The following SRD5A2 variants were observed in gnomAD, a reference collection of about 807,000 sequenced individuals.
SRD5A2 encodes 3-oxo-5-alpha-steroid 4-dehydrogenase 2.
SRD5A2 carries 30 observed loss-of-function variants against 27.4 expected under a neutral mutation model. The observed-to-expected ratio is 1.10, with a 90% CI of 0.82 to 1.49. SRD5A2 has a LOEUF of 1.49. Ranked by LOEUF, SRD5A2 falls within the 40% of genes most tolerant of loss-of-function variation. The pLI is 0.00. For missense variants in SRD5A2, 348 were observed against 323.4 expected (o/e 1.08, Z -0.58); for synonymous variants, 141 against 133.6 (o/e 1.06, Z -0.38).
chr2:31,533,860 A>G (rs1665969711), intron 1 of SRD5A2, 94 bp from the exon 2 acceptor site: 1 of 1,386,140 alleles, frequency 7.2e-7, no homozygotes, highest in Non-Finnish European at 9.6e-7. Flanking sequence ...CAGAAGGTAC[A>G]AAAACCAGGC....
chr2:31,657,354 G>A, the SRD5A2 span, among the ~76,000 whole-genome samples: 1 of 152,096 alleles, frequency 6.6e-6, no homozygotes, highest in Admixed American at 6.6e-5. Flanking sequence ...ATACATTATG[G>A]TACTGATATT....
the SRD5A2 span, among the ~76,000 whole-genome samples, chr2:31,627,296 G>C: frequency 6.6e-6 from 1 of 151,842 alleles, no homozygotes; most frequent in Non-Finnish European, 1.5e-5. Flanking sequence ...TATTTCTGTG[G>C]GTTCAGTGGC....
At chr2:31,624,825 C>T in the SRD5A2 span, among the ~76,000 whole-genome samples, 5 of 152,250 alleles carry the variant, frequency 3.3e-5, no homozygotes, top group East Asian at 9.6e-4. Context: ...TATGCATGTG[C>T]ATGTGTGTCT....
At chr2:31,555,555 C>T (rs575755443) in intron 1 of SRD5A2, among the ~76,000 whole-genome samples, 22 of 152,228 alleles carry the variant, frequency 1.4e-4, no homozygotes, top group African/African-American at 2.4e-4. Context: ...TACCTAAGGA[C>T]GGCCTTTCTG....
chr2:31,634,979 T>A, the SRD5A2 span, among the ~76,000 whole-genome samples: 1 of 152,286 alleles, frequency 6.6e-6, no homozygotes, highest in African/African-American at 2.4e-5. Context: ...TTGTGAATAG[T>A]GCTTCAATAA....
At chr2:31,661,633 T>C in the SRD5A2 span, among the ~76,000 whole-genome samples, 1 of 152,214 alleles carries the variant, frequency 6.6e-6, no homozygotes, top group African/African-American at 2.4e-5. Context: ...TTTCAGCAGT[T>C]GACTCTTACG....
upstream of SRD5A2, among the ~76,000 whole-genome samples, chr2:31,583,894 A>C (rs1667131100): frequency 6.6e-6 from 1 of 152,078 alleles, no homozygotes; most frequent in Admixed American, 6.6e-5. Flanking sequence ...CAGTGTTAGG[A>C]GGCAGCTGGA....
chr2:31,660,376 AC>A, the SRD5A2 span, among the ~76,000 whole-genome samples: 1 of 152,132 alleles, frequency 6.6e-6, no homozygotes, highest in South Asian at 2.1e-4. Context: ...CGATGCATTT[AC>A]CTTTTGACTC....
chr2:31,599,433 C>T, the SRD5A2 span, among the ~76,000 whole-genome samples: 1 of 151,824 alleles, frequency 6.6e-6, no homozygotes, highest in East Asian at 1.9e-4. Context: ...TTAAAACCTT[C>T]AAAAAATGAA....
chr2:31,635,370 T>C, the SRD5A2 span, among the ~76,000 whole-genome samples: 212 of 152,306 alleles, frequency 1.4e-3, 4 homozygotes, highest in East Asian at 0.037. Flanking sequence ...TCTATTCAGA[T>C]CTTTTTCCCT....
At chr2:31,554,971 G>C (rs781063043) in intron 1 of SRD5A2, among the ~76,000 whole-genome samples, 1 of 134,702 alleles carries the variant, frequency 7.4e-6, no homozygotes, top group Non-Finnish European at 1.7e-5. Context: ...GTGTGTGTAT[G>C]TGTGTGTGTG....
chr2:31,653,911 G>A, the SRD5A2 span, among the ~76,000 whole-genome samples: 17 of 152,006 alleles, frequency 1.1e-4, no homozygotes, highest in Admixed American at 2.6e-4. Flanking sequence ...TGCCCGCCTC[G>A]GCCTCCCAGA....
At chr2:31,617,566 T>G in the SRD5A2 span, among the ~76,000 whole-genome samples, 1 of 150,356 alleles carries the variant, frequency 6.7e-6, no homozygotes, top group South Asian at 2.1e-4. Flanking sequence ...TTCCAAACTT[T>G]CCTGCTCTGC....
chr2:31,580,542 C>T (rs577592928), intron 1 of SRD5A2, 78 bp downstream of exon 1: 1 of 1,410,488 alleles, frequency 7.1e-7, no homozygotes, highest in Non-Finnish European at 9.3e-7. Context: ...TTCCTCGGTG[C>T]GCGCTCCACG....
At chr2:31,587,835 G>C in the SRD5A2 span, among the ~76,000 whole-genome samples, 1 of 152,098 alleles carries the variant, frequency 6.6e-6, no homozygotes, top group East Asian at 1.9e-4. Context: ...TGAAGGTGCA[G>C]CAAACTACCA....
intron 1 of SRD5A2, among the ~76,000 whole-genome samples, chr2:31,575,431 G>A (rs1666937285): frequency 6.6e-6 from 1 of 152,152 alleles, no homozygotes; most frequent in Non-Finnish European, 1.5e-5. Context: ...TCCAGTGTGT[G>A]AAATGCCTCA....
intron 1 of SRD5A2, among the ~76,000 whole-genome samples, chr2:31,578,716 A>G (rs1388905338): frequency 1.3e-5 from 2 of 152,226 alleles, no homozygotes; most frequent in African/African-American, 2.4e-5. Flanking sequence ...GTCCTTTACT[A>G]ATATTTTAAA....
the SRD5A2 span, among the ~76,000 whole-genome samples, chr2:31,599,942 CT>C: frequency 5.3e-5 from 8 of 151,388 alleles, no homozygotes; most frequent in Non-Finnish European, 7.4e-5. Context: ...GGTATTAAGC[CT>C]ACTACCCATT....
At chr2:31,616,747 T>A in the SRD5A2 span, among the ~76,000 whole-genome samples, 2 of 152,268 alleles carry the variant, frequency 1.3e-5, no homozygotes, top group South Asian at 4.1e-4. Flanking sequence ...CTGTGGACTT[T>A]GAGTTAATGC....
Sources: allele counts gnomAD v4.1 joint callset (sites outside exome capture counted in the v4.1 genomes callset), GRCh38; gene constraint gnomAD v4.1.1; transcripts MANE v1.5; gene names NCBI Gene and HGNC (gene_info 2026-07-23, HGNC 2026-07-21).